The following HTT variants were observed in gnomAD, a reference collection of about 807,000 sequenced individuals.
HTT encodes the protein huntingtin.
HTT carries 104 observed loss-of-function variants against 362.3 expected under a neutral mutation model. The observed-to-expected ratio is 0.29, with a 90% CI of 0.24 to 0.34. The LOEUF (loss-of-function observed/expected upper bound fraction) is 0.34, where lower values mean the gene tolerates loss of function less well. HTT is among the 10% of genes least tolerant of loss of function. HTT has a pLI of 1.00. For synonymous variants in HTT, 1,577 were observed against 1,548.7 expected, an observed-to-expected ratio of 1.02 and a Z score of -0.43; for missense variants, 3,301 against 3,928.6, an observed-to-expected ratio of 0.84 and a Z score of 4.27.
At chr4:3,142,509 TAAAC>T (rs1254807334) in intron 22 of HTT, among the ~76,000 whole-genome samples, 1 of 152,122 alleles carries the variant, frequency 6.6e-6, no homozygotes, top group East Asian at 1.9e-4. Context: ...TATTTCAACT[TAAAC>T]AGATAGTAGG....
At chr4:3,134,321 T>C in intron 18 of HTT, 80 bp from the exon 19 acceptor site, 2 of 1,279,072 alleles carry the variant, frequency 1.6e-6, no homozygotes, top group Non-Finnish European at 2.2e-6. Flanking sequence ...TGTTGAAGAG[T>C]GACGGTTCTC....
chr4:3,180,585 A>G lies in HTT; in HGVS notation c.4683A>G (p.Gly1561=). 6.2e-7 allele frequency: 1 copy of G among 1,613,574 alleles called. No homozygotes were observed. Among genetic ancestry groups the G allele is most frequent in the Non-Finnish European group, 8.5e-7 (1 of 1,179,740 alleles). Residue 1561 remains glycine (G), a synonymous_variant, in exon 36 of 67, where the codon GGA becomes GGG. Transcript: ENST00000355072. ...GAGGAACAAATAAAGCTGATGCAGGAAAAGAGCTTGAAACCCAAAAAGAGG... is the reference window on the plus strand; with the variant it reads ...GAGGAACAAATAAAGCTGATGCAGGGAAAGAGCTTGAAACCCAAAAAGAGG... ...VLRGTNKADA[G]KELETQKEVV...
At chr4:3,138,603 A>T (rs149606153) in intron 21 of HTT, among the ~76,000 whole-genome samples, 2 of 152,106 alleles carry the variant, frequency 1.3e-5, no homozygotes, top group East Asian at 3.9e-4. Context: ...AGAAGTTGAT[A>T]CTTCTCTTTA....
intron 41 of HTT, among the ~76,000 whole-genome samples, chr4:3,202,572 C>G (rs955727389): frequency 1.6e-4 from 24 of 152,092 alleles, no homozygotes; most frequent in African/African-American, 5.6e-4. Flanking sequence ...AGTAACAGCC[C>G]CCCTCCCCCA....
At chr4:3,089,354 C>T (rs530493043) in intron 2 of HTT, among the ~76,000 whole-genome samples, 3 of 152,160 alleles carry the variant, frequency 2.0e-5, no homozygotes, top group East Asian at 1.9e-4. Flanking sequence ...CCCGGGTTCA[C>T]GCTATTCTCC....
At chr4:3,154,501 T>G in intron 27 of HTT, 82 bp downstream of exon 27, 2 of 1,546,414 alleles carry the variant, frequency 1.3e-6, no homozygotes, top group South Asian at 2.5e-5. Context: ...ACTTGGTGTT[T>G]TAGAGAAATA....
chr4:3,202,539 G>A (rs1371535606), intron 41 of HTT, among the ~76,000 whole-genome samples: 1 of 152,114 alleles, frequency 6.6e-6, no homozygotes, highest in Non-Finnish European at 1.5e-5. Context: ...ACAGTAAAAT[G>A]TACTTTTCTA....
chr4:3,236,389 C>T (rs1313664413), intron 64 of HTT, 135 bp downstream of exon 64: 4 of 703,348 alleles, frequency 5.7e-6, no homozygotes, highest in East Asian at 2.6e-5. Flanking sequence ...CACAGCCTGA[C>T]CATGGGCTGC....
Position 3,148,667 on chromosome 4 carries a change from G to A in HTT, c.3498+460G>A, listed in dbSNP as rs138919506. Among the ~76,000 whole-genome samples the A allele has an allele frequency of 1.6e-3, 243 of 152,312 alleles. 2 individuals are homozygous for A. Among genetic ancestry groups the A allele is most frequent in the Admixed American group, 2.9e-3 (45 of 15,308 alleles). ...AAAAAAATTATCTGAGCATGGTGGC[G>A]GGCGCCTGTAGTCCCAGCTGCTCGG... On this transcript the variant is annotated intron_variant, in intron 26 of 66. Transcript: ENST00000355072.
At chr4:3,149,697 A>G (rs917681607) in intron 26 of HTT, among the ~76,000 whole-genome samples, 2 of 151,872 alleles carry the variant, frequency 1.3e-5, no homozygotes, top group African/African-American at 4.8e-5. Context: ...CTAACTTCCC[A>G]TTCTCCTTTA....
Position 3,132,560 on chromosome 4 carries a change from A to C in HTT, c.2237-2A>C. The C allele has an allele frequency of 6.2e-7, 1 of 1,613,402 alleles. No individual in the cohort carries two copies. Among genetic ancestry groups the C allele is most frequent in the East Asian group, 2.2e-5 (1 of 44,874 alleles). Reference sequence around the variant, plus strand: ...CCATGGCTGAGCAATTTATCTCCACAGAGGAACAGTATGTCTCAGACATCT... The same window carrying C: ...CCATGGCTGAGCAATTTATCTCCACCGAGGAACAGTATGTCTCAGACATCT... On this transcript the variant is annotated splice_acceptor_variant, in intron 16 of 66. Coordinates refer to ENST00000355072, the MANE Select transcript of HTT (RefSeq NM_001388492.1). LOFTEE classifies it high-confidence loss of function.
intron 20 of HTT, 122 bp downstream of exon 20, chr4:3,136,089 C>T (rs1330384927): frequency 4.4e-6 from 4 of 913,018 alleles, no homozygotes; most frequent in Non-Finnish European, 6.8e-6. Flanking sequence ...CAGTTTATAT[C>T]ATGAAAGTTA....
At position 3,235,676 on chromosome 4, in the gene HTT, G is replaced by A; in HGVS notation, c.8683G>A (p.Asp2895Asn). 2.5e-6 allele frequency: 4 copies of A among 1,613,704 alleles called. No homozygotes were observed. Among genetic ancestry groups the A allele is most frequent in the African/African-American group, 2.7e-5 (2 of 75,064 alleles). Residue 2895 changes from aspartate to asparagine, a missense_variant, in exon 63 of 67, where the codon GAT becomes AAT. Around this residue, in one of 4 missense-constraint regions of HTT, gnomAD observed 753 missense variants for 1,021.3 expected, o/e 0.74. Transcript: ENST00000355072. ...GCTCTCTGAGCAGCTCTCCCGCCTG[G>A]ATGCAGAATCGCTGGTCAAGCTGAG... is the stretch of plus-strand genomic sequence containing the variant. ...LLLSEQLSRLDAESLVKLSVD... is the reference protein window; with the variant it reads ...LLLSEQLSRLNAESLVKLSVD...
At position 3,099,333 on chromosome 4, in the gene HTT, G is replaced by A; in HGVS notation, c.407G>A (p.Ser136Asn). 1 of 1,613,984 alleles carries A rather than the reference G, an allele frequency of 6.2e-7. No homozygotes were observed. The part of the protein sequence containing the change: ...GIAMELFLLC[S>N]DDAESDVRMV... ...GCTATGGAACTTTTTCTGCTGTGCA[G>A]TGATGACGCAGAGTCAGATGTCAGG... is the stretch of plus-strand genomic sequence containing the variant. Residue 136 changes from serine to asparagine, a missense_variant, in exon 3 of 67, where the codon AGT becomes AAT. Ser to Asn is a conservative substitution (Grantham distance 46). Coordinates refer to ENST00000355072, the MANE Select transcript of HTT (RefSeq NM_001388492.1).
intron 23 of HTT, among the ~76,000 whole-genome samples, chr4:3,144,927 A>G (rs999771813): frequency 2.0e-5 from 3 of 152,200 alleles, no homozygotes; most frequent in Non-Finnish European, 2.9e-5. Context: ...TGTGGGCAGC[A>G]CAGGAACCTC....
chr4:3,146,531 T>A (rs1028813256), intron 24 of HTT, among the ~76,000 whole-genome samples: 11 of 152,234 alleles, frequency 7.2e-5, no homozygotes, highest in Admixed American at 5.2e-4. Context: ...AGAACCATTG[T>A]CATATGCCCT....
At chr4:3,118,400 G>T (rs1375226352) in intron 8 of HTT, among the ~76,000 whole-genome samples, 1 of 152,170 alleles carries the variant, frequency 6.6e-6, no homozygotes, top group Non-Finnish European at 1.5e-5. Flanking sequence ...GGTGCACATG[G>T]TGGGGCCTGG....
At chr4:3,098,371 C>T (rs753507678) in intron 2 of HTT, among the ~76,000 whole-genome samples, 1 of 152,184 alleles carries the variant, frequency 6.6e-6, no homozygotes, top group African/African-American at 2.4e-5. Flanking sequence ...GAGAAAGAGA[C>T]ATTTGGTTTC....
chr4:3,174,221 G>C (rs922503224), intron 31 of HTT, among the ~76,000 whole-genome samples: 1 of 152,294 alleles, frequency 6.6e-6, no homozygotes, highest in Non-Finnish European at 1.5e-5. Context: ...AGTTTCAGGA[G>C]TAAGTCTGTT....
Sources: allele counts gnomAD v4.1 joint callset (sites outside exome capture counted in the v4.1 genomes callset), GRCh38; gene constraint gnomAD v4.1.1; regional missense constraint gnomAD v4.1.1; transcripts MANE v1.5; gene names NCBI Gene and HGNC (gene_info 2026-07-23, HGNC 2026-07-21).